The following RABGAP1L variants were observed in gnomAD, a reference collection of about 807,000 sequenced individuals.
The protein encoded by RABGAP1L is rab GTPase-activating protein 1-like.
A neutral mutation model predicts 137.7 loss-of-function variants in RABGAP1L; 63 were observed. That is an observed-to-expected ratio of 0.46 (90% CI 0.37 to 0.56). The LOEUF (loss-of-function observed/expected upper bound fraction) is 0.56, where lower values mean the gene tolerates loss of function less well. Among genes scored for constraint, RABGAP1L ranks in the 20% least tolerant of loss-of-function variants. The pLI is 0.00. For synonymous variants in RABGAP1L, 431 were observed against 433.7 expected (o/e 0.99, Z 0.08); for missense variants, 1,095 against 1,244.0 (o/e 0.88, Z 1.80).
At chr1:174,952,005 G>A (rs896510156) in intron 19 of RABGAP1L, among the ~76,000 whole-genome samples, 2 of 152,116 alleles carry the variant, frequency 1.3e-5, no homozygotes, top group Admixed American at 6.5e-5. Flanking sequence ...AAATCTTTAC[G>A]TATGTATTCT....
chr1:174,266,019 T>C (rs2148644616), intron 7 of RABGAP1L, among the ~76,000 whole-genome samples: 1 of 152,010 alleles, frequency 6.6e-6, no homozygotes, highest in African/African-American at 2.4e-5. Flanking sequence ...ATGAAAAGAG[T>C]AACCAATTTT....
chr1:174,467,171 A>G (rs1301296003), intron 13 of RABGAP1L, among the ~76,000 whole-genome samples: 1 of 152,208 alleles, frequency 6.6e-6, no homozygotes, highest in Non-Finnish European at 1.5e-5. Flanking sequence ...GGATGGACAC[A>G]GTAAAAACAT....
chr1:174,346,649 A>C (rs1474630668), intron 11 of RABGAP1L, among the ~76,000 whole-genome samples: 1 of 151,578 alleles, frequency 6.6e-6, no homozygotes, highest in Non-Finnish European at 1.5e-5. Context: ...TAGTCTGTAT[A>C]AAGTTCTATC....
At chr1:174,854,464 A>G (rs947248275) in intron 19 of RABGAP1L, among the ~76,000 whole-genome samples, 1 of 152,096 alleles carries the variant, frequency 6.6e-6, no homozygotes, top group African/African-American at 2.4e-5. Flanking sequence ...TCCTTTAGAA[A>G]CCATATAAAT....
At chr1:174,535,030 T>A (rs1349040720) in intron 13 of RABGAP1L, among the ~76,000 whole-genome samples, 1 of 152,138 alleles carries the variant, frequency 6.6e-6, no homozygotes, top group African/African-American at 2.4e-5. Flanking sequence ...TGGAATGGTT[T>A]ATATCTCCTT....
intron 19 of RABGAP1L, among the ~76,000 whole-genome samples, chr1:174,926,484 A>T (rs1320251973): frequency 2.6e-5 from 4 of 152,002 alleles, no homozygotes; most frequent in Non-Finnish European, 5.9e-5. Flanking sequence ...CATTAGATTT[A>T]TTTCCAAAGA....
chr1:174,528,210 A>G (rs1329798816), intron 13 of RABGAP1L, among the ~76,000 whole-genome samples: 2 of 151,152 alleles, frequency 1.3e-5, no homozygotes, highest in East Asian at 1.9e-4. Flanking sequence ...GTTCTTTTCT[A>G]TATTTTTTGC....
intron 18 of RABGAP1L, among the ~76,000 whole-genome samples, chr1:174,771,437 T>C (rs1453377087): frequency 1.3e-5 from 2 of 152,302 alleles, no homozygotes; most frequent in East Asian, 1.9e-4. Context: ...GTTTGTTGTT[T>C]AAGTGCTTGG....
At chr1:174,523,868 A>G (rs933168572) in intron 13 of RABGAP1L, among the ~76,000 whole-genome samples, 2 of 152,184 alleles carry the variant, frequency 1.3e-5, no homozygotes, top group African/African-American at 4.8e-5. Context: ...GCTTTCACAT[A>G]TGAGTGAGAA....
chr1:174,280,053 GAGAGAGAGAGAGAGA>G, intron 10 of RABGAP1L, among the ~76,000 whole-genome samples: 1 of 117,812 alleles, frequency 8.5e-6, no homozygotes, highest in Non-Finnish European at 1.6e-5. Flanking sequence ...TGCCTGGAGA[GAGAGAGAGAGAGAGA>G]GAGAGAGAGA....
chr1:174,457,912 C>T (rs1184267006), intron 13 of RABGAP1L, among the ~76,000 whole-genome samples: 5 of 152,110 alleles, frequency 3.3e-5, no homozygotes, highest in African/African-American at 1.2e-4. Flanking sequence ...GTTTTAACTT[C>T]TCTGTCAATC....
At chr1:174,586,287 C>T (rs1186521785) in intron 13 of RABGAP1L, among the ~76,000 whole-genome samples, 1 of 126,452 alleles carries the variant, frequency 7.9e-6, no homozygotes, top group Non-Finnish European at 1.9e-5. Flanking sequence ...GAAAACCAAA[C>T]ACCTCGTGAA....
chr1:174,394,631 A>G (rs949194175), intron 13 of RABGAP1L, among the ~76,000 whole-genome samples: 4 of 152,110 alleles, frequency 2.6e-5, no homozygotes, highest in African/African-American at 9.7e-5. Flanking sequence ...GCTTATGTCT[A>G]AATACCTGGT....
At chr1:174,536,344 G>A (rs960070815) in intron 13 of RABGAP1L, among the ~76,000 whole-genome samples, 7 of 151,846 alleles carry the variant, frequency 4.6e-5, no homozygotes, top group African/African-American at 1.2e-4. Flanking sequence ...GTTTGTTTGC[G>A]TGTGTGAAAA....
chr1:174,229,540 G>A (rs1055837673), intron 3 of RABGAP1L, among the ~76,000 whole-genome samples: 9 of 152,062 alleles, frequency 5.9e-5, no homozygotes, highest in East Asian at 3.9e-4. Flanking sequence ...GTGTTTAAAC[G>A]GGGAAAGGGC....
In RABGAP1L at chr1:174,560,261, A is replaced by G. The variant is rs890930917; in HGVS notation, c.1711-77114A>G. On this transcript the variant is annotated intron_variant, in intron 13 of 25. Coordinates refer to ENST00000681986, the MANE Select transcript of RABGAP1L (RefSeq NM_001366446.1). Reference sequence around the variant, plus strand: ...CACGTTTCCTCATCCTGCAGACTGCACTAAACTGTGTCTCCACCTTCACCC... The same window carrying G: ...CACGTTTCCTCATCCTGCAGACTGCGCTAAACTGTGTCTCCACCTTCACCC... Among the ~76,000 whole-genome samples, 8 of 152,148 alleles carry G rather than the reference A, an allele frequency of 5.3e-5. No homozygotes were observed. In the East Asian group the frequency reaches 7.7e-4, roughly 15 times the overall value.
chr1:174,287,134 A>T (rs886947724), intron 10 of RABGAP1L, among the ~76,000 whole-genome samples: 10 of 152,138 alleles, frequency 6.6e-5, no homozygotes. Flanking sequence ...GGCATAATAA[A>T]GTCCCCTTTA....
intron 11 of RABGAP1L, among the ~76,000 whole-genome samples, chr1:174,365,742 C>G (rs1684560367): frequency 6.6e-6 from 1 of 152,244 alleles, no homozygotes; most frequent in African/African-American, 2.4e-5. Context: ...CAACTCATGA[C>G]TGTCTCTCCA....
intron 19 of RABGAP1L, among the ~76,000 whole-genome samples, chr1:174,956,637 TTTCTC>T (rs1272148582): frequency 6.6e-6 from 1 of 151,828 alleles, no homozygotes; most frequent in South Asian, 2.1e-4. Flanking sequence ...TTAGAATATT[TTTCTC>T]TTCTCTTCTT....
Sources: allele counts gnomAD v4.1 joint callset (sites outside exome capture counted in the v4.1 genomes callset), GRCh38; gene constraint gnomAD v4.1.1; transcripts MANE v1.5; gene names NCBI Gene and HGNC (gene_info 2026-07-23, HGNC 2026-07-21).